ELAVL4: variants seen among roughly 807,000 people sequenced by gnomAD.
ELAVL4 encodes ELAV-like protein 4.
In ELAVL4, 1 loss-of-function variant was observed where a neutral mutation model predicts 35.6. That is an observed-to-expected ratio of 0.03 (90% confidence interval 0.01 to 0.13). ELAVL4 has a LOEUF of 0.13. Ranked by LOEUF, ELAVL4 falls within the 10% of genes least tolerant of loss-of-function variation. The probability of loss-of-function intolerance (pLI) is 1.00; values close to 1 mark genes in which losing one functional copy is unlikely to be tolerated. For missense variants in ELAVL4, 267 were observed against 464.9 expected, an observed-to-expected ratio of 0.57 and a Z score of 3.91; for synonymous variants, 156 against 171.0, an observed-to-expected ratio of 0.91 and a Z score of 0.69.
chr1:50,081,632 A>AT (rs1665010297), intron 1 of ELAVL4, among the ~76,000 whole-genome samples: 1 of 152,210 alleles, frequency 6.6e-6, no homozygotes, highest in South Asian at 2.1e-4. Flanking sequence ...TTATAGAGTC[A>AT]TTTACATGCT....
intron 1 of ELAVL4, among the ~76,000 whole-genome samples, chr1:50,110,535 G>C (rs1666894068): frequency 6.6e-6 from 1 of 152,154 alleles, no homozygotes; most frequent in South Asian, 2.1e-4. Flanking sequence ...GAAACTCCTT[G>C]AGTGCCGCTT....
intron 1 of ELAVL4, among the ~76,000 whole-genome samples, chr1:50,056,264 T>G (rs1663664350): frequency 6.6e-6 from 1 of 152,184 alleles, no homozygotes; most frequent in Non-Finnish European, 1.5e-5. Context: ...GTATTACTAA[T>G]AAGAGTTTTG....
At chr1:50,140,156 G>GGGCA (rs1409952017) in intron 1 of ELAVL4, among the ~76,000 whole-genome samples, 1 of 152,192 alleles carries the variant, frequency 6.6e-6, no homozygotes, top group African/African-American at 2.4e-5. Flanking sequence ...GAGGAAAGGA[G>GGGCA]GGCAAGTCAG....
chr1:50,109,851 C>T, intron 1 of ELAVL4: 1 of 1,544,932 alleles, frequency 6.5e-7, no homozygotes, highest in East Asian at 2.3e-5. Context: ...CTCTGGGCAG[C>T]AGCTCTGTAA....
chr1:50,069,582 T>C (rs1664419713), intron 1 of ELAVL4, among the ~76,000 whole-genome samples: 1 of 152,214 alleles, frequency 6.6e-6, no homozygotes, highest in African/African-American at 2.4e-5. Flanking sequence ...CCTACAACCT[T>C]GCAATTTATT....
chr1:50,158,584 A>G (rs981648680), intron 2 of ELAVL4, among the ~76,000 whole-genome samples: 6 of 152,166 alleles, frequency 3.9e-5, no homozygotes, highest in Non-Finnish European at 2.9e-5. Context: ...CTAGAACCAG[A>G]CTTGTACAAC....
intron 1 of ELAVL4, among the ~76,000 whole-genome samples, chr1:50,117,565 C>T (rs142984247): frequency 0.013 from 2,028 of 152,266 alleles, 40 homozygotes; most frequent in African/African-American, 0.035. Context: ...ACATGAGCCA[C>T]AATTCCTCAT....
In ELAVL4 at chr1:50,201,079, T is replaced by C. The variant is rs1233788145; in HGVS notation, c.1002T>C (p.Tyr334=). Residue 334 remains tyrosine (Y), a synonymous_variant, in exon 7 of 7, where the codon TAT becomes TAC. Transcript: ENST00000371824. The surrounding 1 kb of genome is among the most constrained non-coding windows in gnomAD (Gnocchi z 4.3). The part of the protein sequence containing the change: ...KGFGFVTMTN[Y]DEAAMAIASL... Reference sequence around the variant, plus strand: ...TCGGCTTTGTCACCATGACCAACTATGATGAGGCGGCCATGGCCATCGCCA... The same window carrying C: ...TCGGCTTTGTCACCATGACCAACTACGATGAGGCGGCCATGGCCATCGCCA... 6.2e-7 allele frequency: 1 copy of C among 1,614,092 alleles called. No individual in the cohort carries two copies.
At chr1:50,192,519 G>GCACA (rs5774068) in intron 3 of ELAVL4, among the ~76,000 whole-genome samples, 34,418 of 140,140 alleles carry the variant, frequency 0.25, 4,534 homozygotes, top group Middle Eastern at 0.32. Flanking sequence ...TTGTGTGCAC[G>GCACA]CACACACACA....
At chr1:50,195,981 C>T (rs1228938062) in intron 5 of ELAVL4, among the ~76,000 whole-genome samples, 195 bp downstream of exon 5, 1 of 152,138 alleles carries the variant, frequency 6.6e-6, no homozygotes, top group Non-Finnish European at 1.5e-5. Context: ...CCTTCTAAGC[C>T]CTCTTCCAAT....
Position 50,116,996 on chromosome 1 carries a change from A to G in ELAVL4, c.9+7798A>G, listed in dbSNP as rs115624154. On this transcript the variant is annotated intron_variant, in intron 1 of 6. Coordinates refer to ENST00000371824, the MANE Select transcript of ELAVL4 (RefSeq NM_001144774.3). ...GAATAATATTGGGAAAGTTGTCCTC[A>G]TAGTAACCATTCCCCAAAGGAAGCT... Among the ~76,000 whole-genome samples the G allele has an allele frequency of 4.2e-3, 639 of 152,264 alleles. 4 individuals carry two copies. The highest frequency in any genetic ancestry group is 6.7e-3 in the Non-Finnish European group (453 of 67,992).
At chr1:50,160,974 C>T (rs1281540358) in intron 2 of ELAVL4, among the ~76,000 whole-genome samples, 2 of 152,106 alleles carry the variant, frequency 1.3e-5, no homozygotes, top group Non-Finnish European at 2.9e-5. Flanking sequence ...GACATTTCAC[C>T]CACAGAAAGT....
At chr1:50,194,036 A>G in intron 4 of ELAVL4, 118 bp downstream of exon 4, 3 of 1,287,004 alleles carry the variant, frequency 2.3e-6, no homozygotes, top group Non-Finnish European at 3.1e-6. Flanking sequence ...GAATAGACAG[A>G]TTTTTGACTT....
intron 1 of ELAVL4, among the ~76,000 whole-genome samples, chr1:50,067,284 G>A (rs540349546): frequency 3.3e-5 from 5 of 152,256 alleles, no homozygotes; most frequent in East Asian, 1.9e-4. Flanking sequence ...AAATATGTTC[G>A]TATTCTTGAG....
intron 2 of ELAVL4, among the ~76,000 whole-genome samples, chr1:50,162,258 A>G (rs1367534638): frequency 6.6e-6 from 1 of 152,224 alleles, no homozygotes; most frequent in Non-Finnish European, 1.5e-5. Context: ...TATTGAATTC[A>G]TTCATTCATC....
chr1:50,145,657 G>C (rs1673578929), intron 2 of ELAVL4, among the ~76,000 whole-genome samples: 1 of 152,176 alleles, frequency 6.6e-6, no homozygotes, highest in Non-Finnish European at 1.5e-5. Flanking sequence ...AACTGCCCTT[G>C]TCCCTGGGGA....
intron 1 of ELAVL4, among the ~76,000 whole-genome samples, chr1:50,118,271 A>G (rs916284149): frequency 6.6e-6 from 1 of 152,040 alleles, no homozygotes; most frequent in Non-Finnish European, 1.5e-5. Flanking sequence ...CAATAGGCTG[A>G]ACTTTGAAGT....
chr1:50,079,302 T>C (rs1478906451), intron 1 of ELAVL4, among the ~76,000 whole-genome samples: 2 of 152,086 alleles, frequency 1.3e-5, no homozygotes, highest in Non-Finnish European at 2.9e-5. Flanking sequence ...TAGACTAGCA[T>C]GTAGGAGATT....
intron 3 of ELAVL4, among the ~76,000 whole-genome samples, chr1:50,185,513 G>T (rs528317665): frequency 6.6e-6 from 1 of 152,324 alleles, no homozygotes; most frequent in African/African-American, 2.4e-5. Flanking sequence ...CCCAGAACAT[G>T]GAATTATATC....
Sources: gnomAD v4.1 joint callset for allele counts (sites outside exome capture counted in the v4.1 genomes callset) on GRCh38, gnomAD v4.1.1 for gene constraint, Gnocchi (gnomAD v3.1) non-coding constraint, MANE v1.5 for transcripts, NCBI Gene and HGNC (gene_info 2026-07-23, HGNC 2026-07-21) for gene names.